WARS2: variants seen among roughly 807,000 people sequenced by gnomAD.
WARS2 encodes tryptophanyl tRNA synthetase 2, mitochondrial, also known as tryptophan--tRNA ligase, mitochondrial.
A neutral mutation model predicts 36.5 loss-of-function variants in WARS2; 28 were observed. That is an observed-to-expected ratio of 0.77 (90% CI 0.57 to 1.05). The LOEUF is 1.05. WARS2 is among the 50% of genes least tolerant of loss of function. WARS2 has a pLI of 0.00. For missense variants in WARS2, 435 were observed against 456.8 expected, an observed-to-expected ratio of 0.95 and a Z score of 0.44; for synonymous variants, 174 against 178.4, an observed-to-expected ratio of 0.98 and a Z score of 0.20.
chr1:119,102,422 A>G (rs1159075928), intron 1 of WARS2, among the ~76,000 whole-genome samples: 4 of 152,222 alleles, frequency 2.6e-5, no homozygotes, highest in African/African-American at 9.7e-5. Context: ...ATTTCCACAT[A>G]GATAACCATC....
intron 1 of WARS2, among the ~76,000 whole-genome samples, chr1:119,093,402 T>C (rs1653180396): frequency 6.6e-6 from 1 of 151,254 alleles, no homozygotes; most frequent in African/African-American, 2.4e-5. Flanking sequence ...AATTCATGTC[T>C]ACCTAGAACT....
intron 1 of WARS2, among the ~76,000 whole-genome samples, chr1:119,091,842 G>A (rs1405316681): frequency 6.6e-6 from 1 of 152,198 alleles, no homozygotes; most frequent in Non-Finnish European, 1.5e-5. Flanking sequence ...CCTGGGAGCA[G>A]AGACGTAGAA....
chr1:119,116,972 C>T (rs752782906), intron 1 of WARS2, among the ~76,000 whole-genome samples: 21 of 152,176 alleles, frequency 1.4e-4, no homozygotes, highest in Admixed American at 6.5e-4. Context: ...TTCAGGCAGG[C>T]AGGGAGGTAA....
chr1:119,038,847 A>G (rs1648102751), intron 4 of WARS2, among the ~76,000 whole-genome samples: 1 of 151,836 alleles, frequency 6.6e-6, no homozygotes, highest in Non-Finnish European at 1.5e-5. Flanking sequence ...CGCCCGGCTA[A>G]TTTTTTGTAT....
chr1:119,036,208 G>GAAAAATAAAAAT (rs59569272), intron 4 of WARS2, among the ~76,000 whole-genome samples: 14 of 150,764 alleles, frequency 9.3e-5, no homozygotes, highest in East Asian at 4.0e-4. Flanking sequence ...ACTCTGCCTC[G>GAAAAATAAAAAT]AAAAATAAAA....
At chr1:119,103,653 C>A (rs1208383061) in intron 1 of WARS2, among the ~76,000 whole-genome samples, 1 of 151,488 alleles carries the variant, frequency 6.6e-6, no homozygotes, top group African/African-American at 2.4e-5. Context: ...TCAAATAATT[C>A]TGGTAACAAG....
intron 1 of WARS2, among the ~76,000 whole-genome samples, chr1:119,126,356 G>C (rs745968219): frequency 1.3e-5 from 2 of 151,408 alleles, no homozygotes; most frequent in Non-Finnish European, 2.9e-5. Context: ...TCTCAACCCT[G>C]CTTATAAAAC....
intron 2 of WARS2, among the ~76,000 whole-genome samples, chr1:119,048,192 A>G (rs766089920): frequency 1.3e-5 from 2 of 152,238 alleles, no homozygotes; most frequent in Non-Finnish European, 2.9e-5. Flanking sequence ...AGGCAGATAC[A>G]CAATAAGCAT....
rs1324996451 is a variant in WARS2 at position 119,032,071 on chromosome 1, T to G, written c.*840A>C. 6.6e-6 allele frequency: 1 copy of G among 152,026 alleles called. No individual in the cohort carries two copies. The highest frequency in any genetic ancestry group is 1.5e-5 in the Non-Finnish European group (1 of 67,930). The allele number at this position is 152,026 out of a possible 1,614,324, so 9.4% of individuals were successfully genotyped here. A position where few individuals can be genotyped will look rare whatever the true frequency, so the allele number is the denominator to read the frequency against. Reference sequence around the variant, plus strand: ...ATTCTTAAGAATAAGGGGTAAGGGTTTTACTCTCAGATTTGCTTCTCTTAT... The same window carrying G: ...ATTCTTAAGAATAAGGGGTAAGGGTGTTACTCTCAGATTTGCTTCTCTTAT... On this transcript the variant is annotated 3_prime_UTR_variant, in exon 6 of 6. Coordinates refer to ENST00000235521, the MANE Select transcript of WARS2 (RefSeq NM_015836.4).
intron 1 of WARS2, among the ~76,000 whole-genome samples, chr1:119,096,503 C>T (rs1653453315): frequency 6.6e-6 from 1 of 151,940 alleles, no homozygotes; most frequent in Non-Finnish European, 1.5e-5. Flanking sequence ...TCTACTTTTG[C>T]AAATATGCTT....
At position 119,083,090 on chromosome 1, in the gene WARS2, G is replaced by A. The variant is rs587705034; in HGVS notation, c.91-6483C>T. On this transcript the variant is annotated intron_variant, in intron 1 of 5. Coordinates refer to ENST00000235521, the MANE Select transcript of WARS2 (RefSeq NM_015836.4). ...CTAAAAATACAAAAATTAGCCAGGC[G>A]CAGTGGTGGATGTCTGTAATCCCAG... Among the ~76,000 whole-genome samples the A allele has an allele frequency of 4.5e-4, 69 of 152,162 alleles. 1 individual carries two copies. Among genetic ancestry groups the A allele is most frequent in the African/African-American group, 1.6e-3 (67 of 41,518 alleles).
chr1:119,109,643 T>G (rs1322096283), intron 1 of WARS2, among the ~76,000 whole-genome samples: 1 of 151,956 alleles, frequency 6.6e-6, no homozygotes, highest in African/African-American at 2.4e-5. Flanking sequence ...TTGGTTTTTT[T>G]GATCCACTTC....
intron 1 of WARS2, among the ~76,000 whole-genome samples, chr1:119,093,470 A>T (rs6680746): frequency 6.8e-6 from 1 of 146,532 alleles, no homozygotes; most frequent in African/African-American, 2.6e-5. Flanking sequence ...GTTAAGATGA[A>T]GTCATAAATA....
At chr1:119,112,808 G>A (rs941287961) in intron 1 of WARS2, among the ~76,000 whole-genome samples, 1 of 152,168 alleles carries the variant, frequency 6.6e-6, no homozygotes, top group Non-Finnish European at 1.5e-5. Flanking sequence ...TTAGCTAACT[G>A]TAATATATAA....
chr1:119,117,342 G>A (rs191636182), intron 1 of WARS2, among the ~76,000 whole-genome samples: 15 of 152,176 alleles, frequency 9.9e-5, no homozygotes, highest in African/African-American at 3.1e-4. Flanking sequence ...TGTCTCTATC[G>A]GCCCTGGTAG....
chr1:119,140,463 G>T, intron 1 of WARS2, 92 bp downstream of exon 1: 1 of 1,204,102 alleles, frequency 8.3e-7, no homozygotes, highest in South Asian at 1.4e-5. Context: ...CTTTCCCTAA[G>T]AAGCGGGAGG....
At chr1:119,062,209 T>G (rs1650439891) in intron 2 of WARS2, among the ~76,000 whole-genome samples, 1 of 152,206 alleles carries the variant, frequency 6.6e-6, no homozygotes. Context: ...AGCTGCCTAC[T>G]GCTACAGGGA....
intron 5 of WARS2, 180 bp from the exon 6 acceptor site, chr1:119,033,539 AT>A (rs1647626514): frequency 1.4e-6 from 1 of 727,428 alleles, no homozygotes; most frequent in African/African-American, 1.8e-5. Context: ...CCACACAACC[AT>A]TCTGTTTTTC....
Position 119,140,592 on chromosome 1 carries a change from G to A in WARS2, c.53C>T (p.Ala18Val). 6.2e-7 allele frequency: 1 copy of A among 1,613,984 alleles called. No homozygotes were observed. The highest frequency in any genetic ancestry group is 1.1e-5 in the South Asian group (1 of 91,056). The change falls in exon 1 of 6, where the codon GCA becomes GTA. Residue 18 changes from alanine to valine, a missense_variant. Coordinates refer to ENST00000235521, the MANE Select transcript of WARS2 (RefSeq NM_015836.4). The stretch of plus-strand genomic sequence containing the variant: ...AGCAGCTGCGGATCCCTTATGAAGT[G>A]CCCGGATGAAGCTCCAGCGCTCACG... ...KARERWSFIR[A>V]LHKGSAAAPA...
Sources: allele counts gnomAD v4.1 joint callset (sites outside exome capture counted in the v4.1 genomes callset), GRCh38; gene constraint gnomAD v4.1.1; transcripts MANE v1.5; gene names NCBI Gene and HGNC (gene_info 2026-07-23, HGNC 2026-07-21).